PCLO: variants seen among roughly 807,000 people sequenced by gnomAD.
PCLO encodes the protein piccolo presynaptic cytomatrix protein, also known as protein piccolo.
Under a neutral mutation model 427.5 loss-of-function variants are expected in PCLO, and 82 were observed. The ratio of observed to expected loss-of-function variants is 0.19; its 90% CI spans 0.16 to 0.23. PCLO has a LOEUF of 0.23. Ranked by LOEUF, PCLO falls within the 10% of genes least tolerant of loss-of-function variation. The pLI, the probability that PCLO is intolerant of heterozygous loss-of-function variation, is 1.00. For missense variants in PCLO, 6,239 were observed against 6,115.9 expected, an observed-to-expected ratio of 1.02 and a Z score of -0.67; for synonymous variants, 2,357 against 2,155.4, an observed-to-expected ratio of 1.09 and a Z score of -2.59.
chr7:83,097,213 A>C (rs1307394091), intron 3 of PCLO, among the ~76,000 whole-genome samples: 1 of 130,504 alleles, frequency 7.7e-6, no homozygotes, highest in Non-Finnish European at 1.6e-5. Context: ...AAATTATATA[A>C]ATCTTTTTTA....
chr7:82,848,615 C>A (rs1263762473), intron 10 of PCLO, among the ~76,000 whole-genome samples: 1 of 151,902 alleles, frequency 6.6e-6, no homozygotes, highest in Admixed American at 6.6e-5. Context: ...CTGGCCTGAA[C>A]CATTAGGTTT....
rs1795303644 is a variant in PCLO, at chr7:82,950,203, C to T, written c.10385G>A (p.Arg3462Lys). Residue 3462 changes from arginine to lysine, a missense_variant, in exon 6 of 25, where the codon AGG becomes AAG. Physicochemically the swap from Arg to Lys is conservative, Grantham distance 26 (BLOSUM62 2). Coordinates refer to ENST00000333891, the MANE Select transcript of PCLO (RefSeq NM_033026.6). The part of the protein sequence containing the change: ...ATDRSYVSRR[R>K]RTKKSVDTSV... The stretch of plus-strand genomic sequence containing the variant: ...TGTATCCACACTCTTTTTAGTTCTC[C>T]TTCTCCTACTCACATAGCTCCGATC... 6.2e-7 allele frequency: 1 copy of T among 1,611,902 alleles called. No individual in the cohort carries two copies.
intron 2 of PCLO, among the ~76,000 whole-genome samples, chr7:83,144,893 T>TA (rs1457647560): frequency 6.6e-6 from 1 of 152,228 alleles, no homozygotes; most frequent in African/African-American, 2.4e-5. Context: ...AATCTGTTCA[T>TA]AAGAGTTGTT....
chr7:82,913,297 T>C (rs1475800179), intron 7 of PCLO, among the ~76,000 whole-genome samples: 1 of 152,024 alleles, frequency 6.6e-6, no homozygotes, highest in East Asian at 1.9e-4. Flanking sequence ...ATAAAAAAAC[T>C]ATTAAAATCC....
intron 10 of PCLO, among the ~76,000 whole-genome samples, chr7:82,865,165 T>TA (rs888331151): frequency 4.3e-4 from 63 of 146,232 alleles, no homozygotes; most frequent in Middle Eastern, 7.0e-3. Context: ...ATGATAGAAA[T>TA]AAAAAAAAAA....
At chr7:83,046,920 T>A (rs1583953355) in intron 3 of PCLO, among the ~76,000 whole-genome samples, 1 of 151,994 alleles carries the variant, frequency 6.6e-6, no homozygotes, top group African/African-American at 2.4e-5. Flanking sequence ...AGAAGAAAAA[T>A]CAATATGAGA....
chr7:82,813,533 G>A (rs1383460474), intron 20 of PCLO, among the ~76,000 whole-genome samples: 1 of 151,568 alleles, frequency 6.6e-6, no homozygotes, highest in African/African-American at 2.4e-5. Context: ...CCTCTCAGTT[G>A]AAGATAGACA....
intron 9 of PCLO, among the ~76,000 whole-genome samples, chr7:82,886,110 T>C (rs1031941279): frequency 4.6e-5 from 7 of 152,152 alleles, no homozygotes; most frequent in Non-Finnish European, 8.8e-5. Context: ...AAGCCAGCAT[T>C]TCTCAGTCAA....
chr7:82,902,596 A>G, intron 9 of PCLO, 55 bp downstream of exon 9: 1 of 1,007,962 alleles, frequency 9.9e-7, no homozygotes, highest in Non-Finnish European at 1.5e-6. Flanking sequence ...ATGCAAAACA[A>G]AACAAAACAA....
intron 3 of PCLO, among the ~76,000 whole-genome samples, chr7:82,982,968 A>T (rs1437943088): frequency 1.3e-5 from 2 of 151,672 alleles, no homozygotes; most frequent in South Asian, 2.1e-4. Context: ...TAATTTTCTC[A>T]CCTGTGATTG....
intron 10 of PCLO, among the ~76,000 whole-genome samples, chr7:82,853,778 T>A (rs778499924): frequency 2.0e-5 from 3 of 152,156 alleles, no homozygotes; most frequent in Non-Finnish European, 4.4e-5. Flanking sequence ...TTACTAGTTG[T>A]TGTGCCCTTG....
At chr7:83,073,834 T>TA in intron 3 of PCLO, among the ~76,000 whole-genome samples, 1 of 151,220 alleles carries the variant, frequency 6.6e-6, no homozygotes, top group Non-Finnish European at 1.5e-5. Flanking sequence ...ATTTTAATAA[T>TA]AAAAATTTTT....
intron 6 of PCLO, among the ~76,000 whole-genome samples, chr7:82,921,106 T>C (rs943955052): frequency 6.6e-6 from 1 of 151,798 alleles, no homozygotes; most frequent in African/African-American, 2.4e-5. Context: ...ATTATGAATA[T>C]TTTTGGGAAA....
intron 3 of PCLO, among the ~76,000 whole-genome samples, chr7:83,028,836 T>A (rs1383406476): frequency 6.6e-6 from 1 of 151,308 alleles, no homozygotes; most frequent in Non-Finnish European, 1.5e-5. Context: ...TTGACAAACC[T>A]GAGAAAAACA....
At chr7:82,834,299 A>T (rs1385398090) in intron 16 of PCLO, among the ~76,000 whole-genome samples, 2 of 152,158 alleles carry the variant, frequency 1.3e-5, no homozygotes, top group Non-Finnish European at 2.9e-5. Context: ...CTAATTTTGC[A>T]TATCAGCCTG....
In PCLO at chr7:82,956,099, G is replaced by T; in HGVS notation, c.4854C>A (p.Ser1618Arg). The change falls in exon 5 of 25, where the codon AGC becomes AGA. Residue 1618 changes from serine (S) to arginine (R), a missense_variant. Ser to Arg is a moderately radical substitution (Grantham distance 110). Transcript: ENST00000333891. ...GACGTCTTCCTGCATCTTCATCAAT[G>T]CTTGTGCTACTTTTTCGAGTCAGTC... is the stretch of plus-strand genomic sequence containing the variant. ...HRRLTRKSST[S>R]IDEDAGRRHS... 1 of 1,610,864 alleles carries T rather than the reference G, an allele frequency of 6.2e-7. No homozygotes were observed.
At chr7:83,073,706 T>G (rs1393918969) in intron 3 of PCLO, among the ~76,000 whole-genome samples, 1 of 151,948 alleles carries the variant, frequency 6.6e-6, no homozygotes, top group African/African-American at 2.4e-5. Flanking sequence ...GCTGTGATAT[T>G]ATAATTTTGA....
chr7:82,769,625 A>G (rs1790606497), intron 22 of PCLO, among the ~76,000 whole-genome samples: 1 of 152,170 alleles, frequency 6.6e-6, no homozygotes. Context: ...ACAATGTGGA[A>G]GAGAAAAGAA....
In PCLO at chr7:83,155,630, CCCT is replaced by C. The variant is rs1792271058; in HGVS notation, c.1008_1010del (p.Gly337del). Reference sequence around the variant, plus strand: ...GTTGTTGAGCCAATGGCTTTGTTAGCCCTGAGGGCTGAGCTGGGGGCTTTGCAG... The same window carrying C: ...GTTGTTGAGCCAATGGCTTTGTTAGCGAGGGCTGAGCTGGGGGCTTTGCAG... On this transcript the variant is annotated inframe_deletion, in exon 2 of 25. Transcript: ENST00000333891. 1.9e-6 allele frequency: 3 copies of C among 1,611,434 alleles called. No homozygotes were observed. The East Asian group carries it at 6.7e-5, about 36-fold the overall frequency.
Sources: allele counts gnomAD v4.1 joint callset (sites outside exome capture counted in the v4.1 genomes callset), GRCh38; gene constraint gnomAD v4.1.1; transcripts MANE v1.5; gene names NCBI Gene and HGNC (gene_info 2026-07-23, HGNC 2026-07-21).